SPIDR: variants seen among roughly 807,000 people sequenced by gnomAD.
SPIDR encodes the protein DNA repair-scaffolding protein.
In SPIDR, 93 loss-of-function variants were observed where a neutral mutation model predicts 104.6. The observed-to-expected ratio is 0.89, with a 90% confidence interval of 0.75 to 1.06. The LOEUF (loss-of-function observed/expected upper bound fraction) is 1.06. SPIDR is among the 50% of genes least tolerant of loss of function. The pLI, the probability that SPIDR is intolerant of heterozygous loss-of-function variation, is 0.00. For synonymous variants in SPIDR, 431 were observed against 416.9 expected (o/e 1.03, Z -0.41); for missense variants, 1,154 against 1,111.2 (o/e 1.04, Z -0.55).
intron 8 of SPIDR, among the ~76,000 whole-genome samples, chr8:47,561,845 T>G (rs903247953): frequency 2.6e-5 from 4 of 152,224 alleles, no homozygotes; most frequent in Non-Finnish European, 5.9e-5. Flanking sequence ...TCTCGTACAC[T>G]GATACAAAGA....
intron 5 of SPIDR, among the ~76,000 whole-genome samples, chr8:47,296,745 A>G (rs1400572656): frequency 2.6e-5 from 4 of 152,170 alleles, no homozygotes; most frequent in African/African-American, 9.7e-5. Context: ...TTGTGGTTCC[A>G]TATGAGTTTT....
intron 10 of SPIDR, chr8:47,660,498 G>A: frequency 1.0e-6 from 1 of 985,466 alleles, no homozygotes; most frequent in Non-Finnish European, 1.2e-6. Flanking sequence ...CGGAATGGCA[G>A]CTGATGGCTG....
intron 8 of SPIDR, among the ~76,000 whole-genome samples, chr8:47,490,693 G>T (rs2078545228): frequency 6.6e-6 from 1 of 152,198 alleles, no homozygotes; most frequent in Non-Finnish European, 1.5e-5. Context: ...CATGTCCTTT[G>T]TAGGGACATG....
intron 5 of SPIDR, among the ~76,000 whole-genome samples, chr8:47,333,151 G>T (rs2049063496): frequency 6.6e-6 from 1 of 152,068 alleles, no homozygotes. Context: ...CCACTGAAAG[G>T]TCTTCAGGGG....
At chr8:47,323,198 T>C (rs2047071024) in intron 5 of SPIDR, among the ~76,000 whole-genome samples, 1 of 152,120 alleles carries the variant, frequency 6.6e-6, no homozygotes, top group Non-Finnish European at 1.5e-5. Context: ...GCCTTGGTGA[T>C]GTATATATTG....
intron 10 of SPIDR, among the ~76,000 whole-genome samples, chr8:47,605,845 T>C (rs1006023538): frequency 1.3e-5 from 2 of 152,184 alleles, no homozygotes; most frequent in Non-Finnish European, 2.9e-5. Context: ...GTAAAGAGCA[T>C]TGCTACAATA....
intron 10 of SPIDR, among the ~76,000 whole-genome samples, chr8:47,670,288 T>A (rs1051741047): frequency 6.6e-6 from 1 of 152,112 alleles, no homozygotes; most frequent in Non-Finnish European, 1.5e-5. Context: ...GGCCTTTAAA[T>A]GGTGTATATA....
intron 5 of SPIDR, among the ~76,000 whole-genome samples, chr8:47,340,061 A>G (rs539676995): frequency 6.6e-6 from 1 of 152,288 alleles, no homozygotes; most frequent in East Asian, 1.9e-4. Context: ...TAGATGTAGT[A>G]TAATTTTGTG....
chr8:47,288,409 C>T (rs1449839697), intron 3 of SPIDR, among the ~76,000 whole-genome samples: 7 of 152,048 alleles, frequency 4.6e-5, no homozygotes, highest in East Asian at 3.9e-4. Flanking sequence ...CTCAGTCTCC[C>T]GAGTAGCTGG....
intron 3 of SPIDR, among the ~76,000 whole-genome samples, chr8:47,290,188 C>T (rs1238735053): frequency 4.6e-5 from 7 of 152,066 alleles, no homozygotes; most frequent in African/African-American, 1.7e-4. Context: ...ATTACAGGCA[C>T]CCGCAACCAC....
intron 5 of SPIDR, among the ~76,000 whole-genome samples, chr8:47,311,021 T>A (rs1177833676): frequency 2.0e-5 from 3 of 152,180 alleles, no homozygotes; most frequent in Non-Finnish European, 4.4e-5. Flanking sequence ...ATATGACTCC[T>A]ATGTTAGAAT....
chr8:47,488,981 A>G (rs1261167367), intron 8 of SPIDR, among the ~76,000 whole-genome samples: 11 of 152,136 alleles, frequency 7.2e-5, no homozygotes, highest in Non-Finnish European at 1.2e-4. Flanking sequence ...TATTCAACAT[A>G]GTGTTGGAAG....
intron 5 of SPIDR, among the ~76,000 whole-genome samples, chr8:47,331,809 G>A (rs1554604745): frequency 1.3e-5 from 2 of 150,898 alleles, no homozygotes; most frequent in Non-Finnish European, 1.5e-5. Context: ...TAGCTCTTTT[G>A]TAATAACACT....
chr8:47,425,699 T>C (rs1001821752), intron 7 of SPIDR, among the ~76,000 whole-genome samples: 2 of 152,214 alleles, frequency 1.3e-5, no homozygotes, highest in Non-Finnish European at 2.9e-5. Flanking sequence ...TTCTTTAGGT[T>C]ATTATTGAAG....
intron 8 of SPIDR, among the ~76,000 whole-genome samples, chr8:47,520,603 C>A (rs1471824689): frequency 6.6e-6 from 1 of 152,128 alleles, no homozygotes. Context: ...TTAACTTATT[C>A]CTTTCAAAAA....
intron 7 of SPIDR, among the ~76,000 whole-genome samples, chr8:47,413,847 T>TAG (rs2063861003): frequency 1.3e-5 from 2 of 152,220 alleles, no homozygotes; most frequent in Non-Finnish European, 2.9e-5. Context: ...AGGTTGAGTA[T>TAG]ATGCTATAGA....
At chr8:47,272,840 A>G (rs1344679227) in intron 1 of SPIDR, among the ~76,000 whole-genome samples, 1 of 152,218 alleles carries the variant, frequency 6.6e-6, no homozygotes. Flanking sequence ...CACCATGCCC[A>G]TTTTAGTTTT....
intron 5 of SPIDR, among the ~76,000 whole-genome samples, chr8:47,333,869 T>C (rs1240728902): frequency 2.0e-5 from 3 of 152,220 alleles, no homozygotes; most frequent in African/African-American, 7.2e-5. Flanking sequence ...ATGAGGTGTG[T>C]TCATTGACAA....
chr8:47,317,663 AC>A (rs1285663304), intron 5 of SPIDR, among the ~76,000 whole-genome samples: 6 of 151,648 alleles, frequency 4.0e-5, no homozygotes, highest in South Asian at 2.1e-4. Context: ...TGGGTCCCTG[AC>A]CCCCCCGAGT....
Sources: allele counts gnomAD v4.1 joint callset (sites outside exome capture counted in the v4.1 genomes callset), GRCh38; gene constraint gnomAD v4.1.1; transcripts MANE v1.5; gene names NCBI Gene and HGNC (gene_info 2026-07-23, HGNC 2026-07-21).